The following ELOVL1 variants were observed in gnomAD, a reference collection of about 807,000 sequenced individuals.
ELOVL1 encodes ELOVL fatty acid elongase 1.
ELOVL1 carries 10 observed loss-of-function variants against 37.8 expected under a neutral mutation model. The ratio of observed to expected loss-of-function variants is 0.26; its 90% CI spans 0.16 to 0.45. The LOEUF is 0.45. Ranked by LOEUF, ELOVL1 falls within the 20% of genes least tolerant of loss-of-function variation. The pLI is 1.00. For missense variants in ELOVL1, 256 were observed against 352.7 expected (o/e 0.73, Z 2.20); for synonymous variants, 133 against 123.8 (o/e 1.07, Z -0.49).
rs931856356 is a variant in ELOVL1, at chr1:43,367,948, C to G, written c.-48G>C. 6.6e-6 allele frequency: 1 copy of G among 152,476 alleles called. No homozygotes were observed. Among genetic ancestry groups the G allele is most frequent in the Non-Finnish European group, 1.5e-5 (1 of 68,438 alleles). 9.4% of individuals were successfully genotyped at this position (152,476 alleles called of 1,614,324 possible). On this transcript the variant is annotated 5_prime_UTR_variant, in exon 1 of 8. Transcript: ENST00000372458. Reference sequence around the variant, plus strand: ...GCCAGGCGGGCAACGGCGGAGCGCTCGGAGGGAGCAGGGCCAGAGAGAAGT... The same window carrying G: ...GCCAGGCGGGCAACGGCGGAGCGCTGGGAGGGAGCAGGGCCAGAGAGAAGT...
At position 43,364,842 on chromosome 1, in the gene ELOVL1, G is replaced by A; in HGVS notation, c.319-48C>T. 2 of 1,614,054 alleles carry A rather than the reference G, an allele frequency of 1.2e-6. No homozygotes were observed. The highest frequency in any genetic ancestry group is 1.7e-6 in the Non-Finnish European group (2 of 1,179,936). Reference sequence around the variant, plus strand: ...TAGGACCTCATACACTATTCTAAGAGCCTCCCTAAACTGGGCCTTGAGCAC... The same window carrying A: ...TAGGACCTCATACACTATTCTAAGAACCTCCCTAAACTGGGCCTTGAGCAC... On this transcript the variant is annotated intron_variant, in intron 4 of 7. Transcript: ENST00000372458. This position sits in a 1 kb window ranked among gnomAD's most constrained non-coding sequence, Gnocchi z 5.2.
At chr1:43,367,158 C>T (rs1251358811) in intron 1 of ELOVL1, 1 of 152,458 alleles carries the variant, frequency 6.6e-6, no homozygotes, top group Non-Finnish European at 1.5e-5. Context: ...GGTGCCACGC[C>T]GAGGGCTGGC....
chr1:43,364,856 G>A lies in ELOVL1; in HGVS notation c.319-62C>T. On this transcript the variant is annotated intron_variant, in intron 4 of 7. Coordinates refer to ENST00000372458, the MANE Select transcript of ELOVL1 (RefSeq NM_022821.4). This position sits in a 1 kb window ranked among gnomAD's most constrained non-coding sequence, Gnocchi z 5.2. ...CTATTCTAAGAGCCTCCCTAAACTG[G>A]GCCTTGAGCACAGGCCCCAAACTGG... is the stretch of plus-strand genomic sequence containing the variant. 1 of 1,613,972 alleles carries A rather than the reference G, an allele frequency of 6.2e-7. No homozygotes were observed.
At chr1:43,365,529 A>AG (rs1557477597) in intron 2 of ELOVL1, 35 bp downstream of exon 2, 1 of 1,614,158 alleles carries the variant, frequency 6.2e-7, no homozygotes, top group Admixed American at 1.7e-5. Flanking sequence ...ATCCCGGGAA[A>AG]GAAGGAAGGA....
chr1:43,365,481 T>C lies in ELOVL1; in HGVS notation c.46+83A>G, dbSNP rs994350563. 9.9e-6 allele frequency: 16 copies of C among 1,611,852 alleles called. 1 individual carries two copies. The highest frequency in any genetic ancestry group is 5.3e-5 in the African/African-American group (4 of 74,822). On this transcript the variant is annotated intron_variant, in intron 2 of 7. Transcript: ENST00000372458. ...TCAGGTCACAGGATCAAGGGTTTCA[T>C]AGGAACTCTCCATTAGAAGACAGCC...
At position 43,364,445 on chromosome 1, in the gene ELOVL1, A is replaced by C. The variant is rs1647197983; in HGVS notation, c.497T>G (p.Phe166Cys). The C allele has an allele frequency of 6.2e-7, 1 of 1,613,982 alleles. No individual in the cohort carries two copies. Among genetic ancestry groups the C allele is most frequent in the Non-Finnish European group, 8.5e-7 (1 of 1,180,018 alleles). Residue 166 changes from phenylalanine (F) to cysteine (C), a missense_variant, in exon 7 of 8, where the codon TTC becomes TGC. By Grantham distance (205) the Phe-to-Cys change is radical. Coordinates refer to ENST00000372458, the MANE Select transcript of ELOVL1 (RefSeq NM_022821.4). This position sits in a 1 kb window ranked among gnomAD's most constrained non-coding sequence, Gnocchi z 5.2. ...VKIAPGGMGS[F>C]HAMINSSVHV... is the part of the protein sequence containing the mutation. Reference sequence around the variant, plus strand: ...CACGGAAGAGTTTATCATGGCATGGAAAGAGCCCATTCCTCCTGTGAGTGG... The same window carrying C: ...CACGGAAGAGTTTATCATGGCATGGCAAGAGCCCATTCCTCCTGTGAGTGG...
intron 1 of ELOVL1, among the ~76,000 whole-genome samples, chr1:43,366,851 G>C (rs1208234689): frequency 6.6e-6 from 1 of 152,060 alleles, no homozygotes. Flanking sequence ...GTCGGGGGAA[G>C]GCTCCCAGGG....
Position 43,365,236 on chromosome 1 carries a change from T to C in ELOVL1, c.187A>G (p.Ile63Val), listed in dbSNP as rs1425686249. The C allele has an allele frequency of 1.2e-6, 2 of 1,613,926 alleles. No individual in the cohort carries two copies. The highest frequency in any genetic ancestry group is 3.3e-5 in the Admixed American group (2 of 59,984). Residue 63 changes from isoleucine to valine, a missense_variant, in exon 3 of 8, where the codon ATT becomes GTT. Ile to Val is a conservative substitution (Grantham distance 29). Coordinates refer to ENST00000372458, the MANE Select transcript of ELOVL1 (RefSeq NM_022821.4). ...RKPFQLRGFM[I>V]VYNFSLVALS... ...GCCACCAGTGAGAAGTTGTAGACAA[T>C]CATGAAGCCACGGAGCTGGAAGGGC...
Position 43,365,234 on chromosome 1 carries a change from A to C in ELOVL1, c.189T>G (p.Ile63Met). 1 of 1,614,198 alleles carries C rather than the reference A, an allele frequency of 6.2e-7. No individual in the cohort carries two copies. Among genetic ancestry groups the C allele is most frequent in the Non-Finnish European group, 8.5e-7 (1 of 1,180,028 alleles). The stretch of plus-strand genomic sequence containing the variant: ...GTGCCACCAGTGAGAAGTTGTAGAC[A>C]ATCATGAAGCCACGGAGCTGGAAGG... The part of the protein sequence containing the change: ...RKPFQLRGFM[I>M]VYNFSLVALS... The change falls in exon 3 of 8, where the codon ATT becomes ATG. Residue 63 changes from isoleucine (I) to methionine (M), a missense_variant. Ile to Met is a conservative substitution (Grantham distance 10). Around this residue, in one of 3 missense-constraint regions of ELOVL1, gnomAD observed 158 missense variants for 189.4 expected, o/e 0.83. Transcript: ENST00000372458.
chr1:43,365,606 C>A lies in ELOVL1; in HGVS notation c.4G>T (p.Glu2Ter), dbSNP rs1333846976. Residue 2 changes from glutamate (E) to a stop codon, truncating the protein, a stop_gained, in exon 2 of 8, where the codon GAG becomes TAG. Coordinates refer to ENST00000372458, the MANE Select transcript of ELOVL1 (RefSeq NM_022821.4). LOFTEE classifies it high-confidence loss of function. M[E>*]AVVNLYQEVM... ...TCTTGGTACAAGTTCACAACAGCCT[C>A]CATCCTGGCTAAGGACTCTGGGGAG... 4.3e-6 allele frequency: 7 copies of A among 1,614,132 alleles called. No individual in the cohort carries two copies. Among genetic ancestry groups the A allele is most frequent in the Non-Finnish European group, 5.9e-6 (7 of 1,180,002 alleles).
chr1:43,364,247 GAC>G lies in ELOVL1; in HGVS notation c.618+75_618+76del. 6.2e-7 allele frequency: 1 copy of G among 1,611,654 alleles called. No homozygotes were observed. The highest frequency in any genetic ancestry group is 8.5e-7 in the Non-Finnish European group (1 of 1,178,660). ...TAGGGAGAGATGGGGTCAAAGGTGA[GAC>G]AGACTGGATAAAGGCAGGATCCAGG... On this transcript the variant is annotated intron_variant, in intron 7 of 7. Coordinates refer to ENST00000372458, the MANE Select transcript of ELOVL1 (RefSeq NM_022821.4). The surrounding 1 kb of genome is among the most constrained non-coding windows in gnomAD (Gnocchi z 5.2).
chr1:43,366,343 G>A (rs1003007566), intron 1 of ELOVL1: 8 of 154,940 alleles, frequency 5.2e-5, no homozygotes, highest in African/African-American at 1.9e-4. Context: ...GGCTCTTTGA[G>A]ACTCCTGCCC....
At chr1:43,366,742 G>A (rs914674405) in intron 1 of ELOVL1, among the ~76,000 whole-genome samples, 7 of 152,138 alleles carry the variant, frequency 4.6e-5, no homozygotes, top group Non-Finnish European at 1.0e-4. Flanking sequence ...AGTGGCATGT[G>A]AAGGGGTTGG....
intron 1 of ELOVL1, chr1:43,366,135 T>C (rs1047791387): frequency 5.5e-6 from 1 of 182,702 alleles, no homozygotes. Context: ...CCAGGGTCCC[T>C]CCTGTCCCTG....
In ELOVL1 at chr1:43,364,258, T is replaced by G; in HGVS notation, c.618+66A>C. On this transcript the variant is annotated intron_variant, in intron 7 of 7. Transcript: ENST00000372458. This position sits in a 1 kb window ranked among gnomAD's most constrained non-coding sequence, Gnocchi z 5.2. Reference sequence around the variant, plus strand: ...GGGGTCAAAGGTGAGACAGACTGGATAAAGGCAGGATCCAGGCTAGGAATG... The same window carrying G: ...GGGGTCAAAGGTGAGACAGACTGGAGAAAGGCAGGATCCAGGCTAGGAATG... 1 of 1,612,198 alleles carries G rather than the reference T, an allele frequency of 6.2e-7. No individual in the cohort carries two copies. Among genetic ancestry groups the G allele is most frequent in the Non-Finnish European group, 8.5e-7 (1 of 1,179,184 alleles).
Position 43,364,493 on chromosome 1 carries a change from G to A in ELOVL1, c.482-33C>T, listed in dbSNP as rs376056740. ...TGGACAATAAGACAGGGTCAGCAGA[G>A]TCCAGCCTCTGGTGCCCACCCTTTC... is the stretch of plus-strand genomic sequence containing the variant. On this transcript the variant is annotated intron_variant, in intron 6 of 7. Coordinates refer to ENST00000372458, the MANE Select transcript of ELOVL1 (RefSeq NM_022821.4). This position sits in a 1 kb window ranked among gnomAD's most constrained non-coding sequence, Gnocchi z 5.2. The A allele has an allele frequency of 6.2e-6, 10 of 1,613,960 alleles. No homozygotes were observed. Among genetic ancestry groups the A allele is most frequent in the African/African-American group, 1.3e-5 (1 of 74,912 alleles).
rs779225762 is a variant in ELOVL1 at position 43,364,199 on chromosome 1, T to C, written c.619-62A>G. On this transcript the variant is annotated intron_variant, in intron 7 of 7. Transcript: ENST00000372458. This position sits in a 1 kb window ranked among gnomAD's most constrained non-coding sequence, Gnocchi z 5.2. ...GAGAGGACTAGAGGGGAAGAGGGGG[T>C]AGAGAAAGAGACAAACGTTGAGTAG... The C allele has an allele frequency of 6.7e-5, 107 of 1,607,456 alleles. No individual in the cohort carries two copies. The highest frequency in any genetic ancestry group is 8.8e-5 in the Non-Finnish European group (104 of 1,175,954).
intron 1 of ELOVL1, 180 bp downstream of exon 1, chr1:43,367,735 G>C (rs139464753): frequency 0.016 from 2,369 of 152,502 alleles, 30 homozygotes; most frequent in Middle Eastern, 0.034. Context: ...ACGGGGGTGT[G>C]GGGGAGGGAG....
In ELOVL1 at chr1:43,365,177, G is replaced by C; in HGVS notation, c.237+9C>G. 6.2e-7 allele frequency: 1 copy of C among 1,612,666 alleles called. No homozygotes were observed. The highest frequency in any genetic ancestry group is 8.5e-7 in the Non-Finnish European group (1 of 1,179,010). On this transcript the variant is annotated intron_variant, in intron 3 of 7. Transcript: ENST00000372458. ...ACAGAAATTAAAGCCCGGCATCCCA[G>C]GGGCCCACCTCATAGACAATGTAGA...
Sources: allele counts gnomAD v4.1 joint callset (sites outside exome capture counted in the v4.1 genomes callset), GRCh38; gene constraint gnomAD v4.1.1; regional missense constraint gnomAD v4.1.1; non-coding constraint Gnocchi (gnomAD v3.1); transcripts MANE v1.5; gene names NCBI Gene and HGNC (gene_info 2026-07-23, HGNC 2026-07-21).